Variants in UGT1A8 observed in about 807,000 individuals in gnomAD.
UGT1A8 encodes the protein UDP-glucuronosyltransferase 1A8.
In UGT1A8, 39 loss-of-function variants were observed where a neutral mutation model predicts 45.3. The ratio of observed to expected loss-of-function variants is 0.86; its 90% CI spans 0.67 to 1.12. The LOEUF is 1.12. Ranked by LOEUF, UGT1A8 falls within the 50% of genes most tolerant of loss-of-function variation. The pLI is 0.00. For synonymous variants in UGT1A8, 275 were observed against 249.2 expected, an observed-to-expected ratio of 1.10 and a Z score of -0.97; for missense variants, 719 against 664.9, an observed-to-expected ratio of 1.08 and a Z score of -0.90.
At chr2:233,642,279 G>C (rs1343453167) in intron 1 of UGT1A8, among the ~76,000 whole-genome samples, 2 of 152,038 alleles carry the variant, frequency 1.3e-5, no homozygotes, top group African/African-American at 4.8e-5. Context: ...CTTGTGTTTG[G>C]TCCATTCTGC....
At chr2:233,713,578 G>A (rs573730250) in intron 1 of UGT1A8, 12 of 1,613,932 alleles carry the variant, frequency 7.4e-6, no homozygotes, top group African/African-American at 5.3e-5. Flanking sequence ...TATATTCCTA[G>A]ATTACTAACG....
intron 1 of UGT1A8, among the ~76,000 whole-genome samples, chr2:233,720,075 T>G (rs1197503417): frequency 1.3e-5 from 2 of 152,302 alleles, no homozygotes; most frequent in Middle Eastern, 3.4e-3. Context: ...ATTAGAATTG[T>G]GGACATGATA....
intron 1 of UGT1A8, chr2:233,743,799 C>T: frequency 7.3e-7 from 1 of 1,367,352 alleles, no homozygotes. Flanking sequence ...TCCGCTTCCT[C>T]CTTGTTCTCA....
intron 1 of UGT1A8, among the ~76,000 whole-genome samples, chr2:233,698,232 G>T (rs1383966106): frequency 6.6e-6 from 1 of 152,060 alleles, no homozygotes; most frequent in African/African-American, 2.4e-5. Context: ...AAATTAAAGT[G>T]ATCAAAATAG....
chr2:233,736,601 G>A (rs528906604), intron 1 of UGT1A8, among the ~76,000 whole-genome samples: 6 of 152,098 alleles, frequency 3.9e-5, no homozygotes, highest in Non-Finnish European at 8.8e-5. Flanking sequence ...TATGCGCTAT[G>A]GTTTTTAGAA....
At chr2:233,675,244 G>A (rs2074315167) in intron 1 of UGT1A8, among the ~76,000 whole-genome samples, 1 of 152,136 alleles carries the variant, frequency 6.6e-6, no homozygotes, top group Non-Finnish European at 1.5e-5. Flanking sequence ...ATTTGGAGGG[G>A]ACAAACTTCT....
At chr2:233,760,991 C>G in intron 1 of UGT1A8, 1 of 1,614,190 alleles carries the variant, frequency 6.2e-7, no homozygotes. Context: ...ACCCTTGCCT[C>G]AGAATTCCTT....
chr2:233,654,382 C>T (rs543176793), intron 1 of UGT1A8, among the ~76,000 whole-genome samples: 24 of 152,190 alleles, frequency 1.6e-4, no homozygotes, highest in African/African-American at 5.8e-4. Flanking sequence ...GATTGTGATC[C>T]AAACCCTATA....
chr2:233,746,436 G>A (rs1200457799), intron 1 of UGT1A8, among the ~76,000 whole-genome samples: 2 of 151,690 alleles, frequency 1.3e-5, no homozygotes, highest in African/African-American at 4.9e-5. Flanking sequence ...TATGTCTTCA[G>A]CTTAAAAAGA....
chr2:233,672,117 G>A (rs764796781), intron 1 of UGT1A8: 2 of 1,614,166 alleles, frequency 1.2e-6, no homozygotes, highest in Non-Finnish European at 1.7e-6. Flanking sequence ...TCATGCCAGA[G>A]GTGAGTTGGC....
intron 1 of UGT1A8, among the ~76,000 whole-genome samples, chr2:233,748,343 G>T (rs192012783): frequency 6.6e-6 from 1 of 151,752 alleles, no homozygotes; most frequent in Non-Finnish European, 1.5e-5. Flanking sequence ...GAGACTGTTC[G>T]TTTGTAAAGG....
chr2:233,650,286 T>A (rs2073708252), intron 1 of UGT1A8, among the ~76,000 whole-genome samples: 1 of 152,222 alleles, frequency 6.6e-6, no homozygotes, highest in Non-Finnish European at 1.5e-5. Context: ...TGGATCCCAC[T>A]TGTTTATAAT....
chr2:233,758,882 G>A (rs1040382997), intron 1 of UGT1A8, among the ~76,000 whole-genome samples: 12 of 152,162 alleles, frequency 7.9e-5, no homozygotes, highest in African/African-American at 2.7e-4. Context: ...ATAGTCCATG[G>A]TCAATAAATA....
intron 1 of UGT1A8, among the ~76,000 whole-genome samples, chr2:233,658,779 T>C (rs927271021): frequency 6.6e-6 from 1 of 152,256 alleles, no homozygotes; most frequent in Admixed American, 6.5e-5. Context: ...AACTTGGTTG[T>C]TCATACTGCT....
intron 1 of UGT1A8, chr2:233,682,233 CG>C: frequency 6.2e-7 from 1 of 1,614,200 alleles, no homozygotes; most frequent in Non-Finnish European, 8.5e-7. Context: ...GCTCGCTGGA[CG>C]GCACCATTGC....
chr2:233,672,557 G>A lies in UGT1A8; in HGVS notation c.855+53995G>A, dbSNP rs778540806. The A allele has an allele frequency of 3.5e-5, 56 of 1,613,900 alleles. No individual in the cohort carries two copies. The South Asian group carries it at 5.4e-4, about 16-fold the overall frequency. ...GCCATGACTTTCAAGGAGAGAGTACGGAACCACATCATGCACTTGGAGGAA... is the reference window on the plus strand; with the variant it reads ...GCCATGACTTTCAAGGAGAGAGTACAGAACCACATCATGCACTTGGAGGAA... On this transcript the variant is annotated intron_variant, in intron 1 of 4. Transcript: ENST00000373450.
rs562977700 is a variant in UGT1A8 at position 233,719,688 on chromosome 2, G to T, written c.856-47346G>T. On this transcript the variant is annotated intron_variant, in intron 1 of 4. Transcript: ENST00000373450. The stretch of plus-strand genomic sequence containing the variant: ...TGCCAACGGGAAGCCACTATCTCAG[G>T]TCTGTATTGGTGCCTTCATCCAATC... 7.9e-5 allele frequency: 127 copies of T among 1,614,002 alleles called. No homozygotes were observed. The East Asian group carries it at 2.7e-3, about 34-fold the overall frequency.
At chr2:233,721,929 C>A in intron 1 of UGT1A8, 1 of 379,728 alleles carries the variant, frequency 2.6e-6, no homozygotes, top group East Asian at 7.5e-5. Context: ...AAAGTGACAT[C>A]CTTCAGACAC....
chr2:233,734,406 C>A (rs543210294), intron 1 of UGT1A8, among the ~76,000 whole-genome samples: 1 of 152,048 alleles, frequency 6.6e-6, no homozygotes, highest in East Asian at 1.9e-4. Flanking sequence ...CTATTTGATT[C>A]TTCTCTCTTT....
Sources: allele counts gnomAD v4.1 joint callset (sites outside exome capture counted in the v4.1 genomes callset), GRCh38; gene constraint gnomAD v4.1.1; transcripts MANE v1.5; gene names NCBI Gene and HGNC (gene_info 2026-07-23, HGNC 2026-07-21).